Variants in TUBG2 observed in about 807,000 individuals in gnomAD.
TUBG2 encodes the protein tubulin gamma-2 chain.
In TUBG2, 39 loss-of-function variants were observed where a neutral mutation model predicts 55.1. The ratio of observed to expected loss-of-function variants is 0.71; its 90% CI spans 0.55 to 0.93. TUBG2 has a LOEUF of 0.93. Ranked by LOEUF, TUBG2 falls within the 40% of genes least tolerant of loss-of-function variation. The pLI is 0.00. For synonymous variants in TUBG2, 223 were observed against 241.0 expected (o/e 0.93, Z 0.69); for missense variants, 358 against 599.1 (o/e 0.60, Z 4.20).
At chr17:42,660,441 G>A in intron 3 of TUBG2, 125 bp downstream of exon 3, 1 of 1,506,238 alleles carries the variant, frequency 6.6e-7, no homozygotes, top group African/African-American at 1.4e-5. Flanking sequence ...GAACAAGAGG[G>A]ACAGCCAGGG....
rs374699617 is a variant in TUBG2, at chr17:42,665,472, C to G, written c.607-4C>G. The G allele has an allele frequency of 4.4e-5, 71 of 1,614,032 alleles. No individual in the cohort carries two copies. Among genetic ancestry groups the G allele is most frequent in the Non-Finnish European group, 5.9e-5 (70 of 1,180,046 alleles). On this transcript the variant is annotated splice_region_variant and splice_polypyrimidine_tract_variant and intron_variant, in intron 6 of 10. Transcript: ENST00000251412. ...GATGCTGTGATGCTCTTCTGTCCCC[C>G]CAGGTGGTGCTGGACAACACAGCCC...
Position 42,666,127 on chromosome 17 carries a change from G to A in TUBG2, c.884G>A (p.Arg295Lys). 1 of 1,613,670 alleles carries A rather than the reference G, an allele frequency of 6.2e-7. No individual in the cohort carries two copies. The highest frequency in any genetic ancestry group is 8.5e-7 in the Non-Finnish European group (1 of 1,179,538). ...AAGACCACGGTCCTGGATGTCATGA[G>A]GCGGCTGCTGCAGCCCAAGAACGTG... Reference protein sequence around the residue: ...VRKTTVLDVMRRLLQPKNVMV... With the variant: ...VRKTTVLDVMKRLLQPKNVMV... The change falls in exon 9 of 11, where the codon AGG becomes AAG. Residue 295 changes from arginine (R) to lysine (K), a missense_variant. Around this residue, in one of 8 missense-constraint regions of TUBG2, gnomAD observed 129 missense variants for 251.6 expected, o/e 0.51. Transcript: ENST00000251412.
rs1442905971 is a variant in TUBG2 at position 42,665,845 on chromosome 17, T to C, written c.843+18T>C. ...ACCAGTCAGTAAGAGCAGCCTTCAG[T>C]GTCCCAGGCCAGGCTGGCCCTGGGC... On this transcript the variant is annotated intron_variant, in intron 8 of 10. Coordinates refer to ENST00000251412, the MANE Select transcript of TUBG2 (RefSeq NM_016437.3). 12 of 1,613,970 alleles carry C rather than the reference T, an allele frequency of 7.4e-6. No homozygotes were observed. The highest frequency in any genetic ancestry group is 1.0e-5 in the Non-Finnish European group (12 of 1,179,976).
chr17:42,665,462 TTC>T lies in TUBG2; in HGVS notation c.607-12_607-11del. 1 of 1,614,148 alleles carries T rather than the reference TTC, an allele frequency of 6.2e-7. No individual in the cohort carries two copies. The highest frequency in any genetic ancestry group is 8.5e-7 in the Non-Finnish European group (1 of 1,180,034). On this transcript the variant is annotated splice_polypyrimidine_tract_variant and intron_variant, in intron 6 of 10. Transcript: ENST00000251412. The stretch of plus-strand genomic sequence containing the variant: ...TTATCCTCAAGATGCTGTGATGCTC[TTC>T]TGTCCCCCCAGGTGGTGCTGGACAA...
intron 1 of TUBG2, 43 bp from the exon 2 acceptor site, chr17:42,659,791 C>T (rs755883185): frequency 1.2e-6 from 2 of 1,611,834 alleles, no homozygotes; most frequent in South Asian, 2.2e-5. Context: ...GCTCCTCAGG[C>T]CTTAAGGCTC....
Position 42,660,038 on chromosome 17 carries a change from G to A in TUBG2, c.162+92G>A, listed in dbSNP as rs1011106531. The A allele has an allele frequency of 5.1e-6, 7 of 1,374,754 alleles. No homozygotes were observed. The Admixed American group carries it at 1.2e-4, about 24-fold the overall frequency. The allele number at this position is 1,374,754 out of a possible 1,614,324, so 85.2% of individuals were successfully genotyped here. ...GTACTGGGAACCCCGCTGGGCAGTA[G>A]GGCCAGGCGGCTGGCTTGAGGAGGG... On this transcript the variant is annotated intron_variant, in intron 2 of 10. Transcript: ENST00000251412.
chr17:42,663,576 G>C (rs2052443086), intron 6 of TUBG2, 73 bp downstream of exon 6: 3 of 1,574,616 alleles, frequency 1.9e-6, no homozygotes, highest in East Asian at 2.3e-5. Flanking sequence ...GGGAGGCCTA[G>C]GCAGATGGAT....
At position 42,663,521 on chromosome 17, in the gene TUBG2, T is replaced by G. The variant is rs2052441225; in HGVS notation, c.606+18T>G. The G allele has an allele frequency of 9.9e-6, 16 of 1,613,202 alleles. No individual in the cohort carries two copies. The highest frequency in any genetic ancestry group is 1.2e-5 in the Non-Finnish European group (14 of 1,179,574). ...ATTGTGTGGTGAGCAAAGAAAGAGT[T>G]GAGGGGCTGGGTGTGGTGGCTCATG... On this transcript the variant is annotated intron_variant, in intron 6 of 10. Coordinates refer to ENST00000251412, the MANE Select transcript of TUBG2 (RefSeq NM_016437.3).
chr17:42,664,564 T>C (rs1338729226), intron 6 of TUBG2, among the ~76,000 whole-genome samples: 1 of 152,104 alleles, frequency 6.6e-6, no homozygotes, highest in Non-Finnish European at 1.5e-5. Flanking sequence ...ATAACTTTCT[T>C]AGCAAAACCC....
chr17:42,660,635 AC>A lies in TUBG2; in HGVS notation c.331-3del. The A allele has an allele frequency of 2.5e-6, 4 of 1,613,896 alleles. No homozygotes were observed. The highest frequency in any genetic ancestry group is 2.2e-5 in the South Asian group (2 of 91,068). ...TGACCCTCCCTTTCCATATCTCTAT[AC>A]AGGGTGAGAAAATTCATGAAGACAT... On this transcript the variant is annotated splice_region_variant and splice_polypyrimidine_tract_variant and intron_variant, in intron 3 of 10. Transcript: ENST00000251412.
rs991114197 is a variant in TUBG2, at chr17:42,661,078, T to A, written c.399+371T>A. 5 of 242,878 alleles carry A rather than the reference T, an allele frequency of 2.1e-5. No individual in the cohort carries two copies. The Admixed American group carries it at 2.4e-4, about 11-fold the overall frequency. 15.0% of individuals were successfully genotyped at this position (242,878 alleles called of 1,614,324 possible). Reference sequence around the variant, plus strand: ...GAGACTGCCTCTCCATCTCTCCCCATGCTGGGTGCGATATGTTCCTGGCTT... The same window carrying A: ...GAGACTGCCTCTCCATCTCTCCCCAAGCTGGGTGCGATATGTTCCTGGCTT... On this transcript the variant is annotated intron_variant, in intron 4 of 10. Transcript: ENST00000251412.
intron 6 of TUBG2, among the ~76,000 whole-genome samples, chr17:42,665,038 T>A (rs1011489521): frequency 1.4e-5 from 2 of 143,632 alleles, no homozygotes; most frequent in African/African-American, 5.8e-5. Context: ...ATTTTATTTA[T>A]TTTATTTTAT....
rs545271201 is a variant in TUBG2 at position 42,663,425 on chromosome 17, C to T, written c.528C>T (p.Asp176=). 18 of 1,614,130 alleles carry T rather than the reference C, an allele frequency of 1.1e-5. No homozygotes were observed. Among genetic ancestry groups the T allele is most frequent in the African/African-American group, 4.0e-5 (3 of 75,024 alleles). Reference sequence around the variant, plus strand: ...CTTATTCAGTGTTTCCCTACCAGGACGAGATGAGCGACGTAGTGGTTCAGC... The same window carrying T: ...CTTATTCAGTGTTTCCCTACCAGGATGAGATGAGCGACGTAGTGGTTCAGC... The part of the protein sequence containing the change: ...VQTYSVFPYQ[D]EMSDVVVQPY... Residue 176 remains aspartate, a synonymous_variant, in exon 6 of 11, where the codon GAC becomes GAT. Coordinates refer to ENST00000251412, the MANE Select transcript of TUBG2 (RefSeq NM_016437.3).
Position 42,666,660 on chromosome 17 carries a change from G to A in TUBG2, c.1216G>A (p.Glu406Lys), listed in dbSNP as rs372512326. The A allele has an allele frequency of 1.1e-5, 18 of 1,614,162 alleles. No homozygotes were observed. The African/African-American group carries it at 1.3e-4, about 12-fold the overall frequency. ...GCTGCGGAAGCGGGATGCCTTCCTCGAGCAGTTCCGTAAGGAGGACATGTT... is the reference window on the plus strand; with the variant it reads ...GCTGCGGAAGCGGGATGCCTTCCTCAAGCAGTTCCGTAAGGAGGACATGTT... ...DKLRKRDAFL[E>K]QFRKEDMFKD... The change falls in exon 11 of 11, where the codon GAG (glutamate) becomes AAG (lysine). Residue 406 changes from glutamate (E) to lysine (K), a missense_variant. Physicochemically the swap from Glu to Lys is moderately conservative, Grantham distance 56. This residue lies in a region of TUBG2 where 129 missense variants were observed against 251.6 expected (regional missense o/e 0.51). Transcript: ENST00000251412.
chr17:42,663,395 G>A lies in TUBG2; in HGVS notation c.498G>A (p.Val166=). 6.2e-7 allele frequency: 1 copy of A among 1,614,116 alleles called. No individual in the cohort carries two copies. Among genetic ancestry groups the A allele is most frequent in the Non-Finnish European group, 8.5e-7 (1 of 1,180,014 alleles). Residue 166 remains valine (V), a synonymous_variant, in exon 6 of 11, where the codon GTG becomes GTA. Coordinates refer to ENST00000251412, the MANE Select transcript of TUBG2 (RefSeq NM_016437.3). ...CTCTCAGGTACCCCAAGAAGCTAGT[G>A]CAGACTTATTCAGTGTTTCCCTACC... ...RLNDRYPKKL[V]QTYSVFPYQD... is the part of the protein sequence containing the mutation.
In TUBG2 at chr17:42,663,504, G is replaced by A. The variant is rs758476307; in HGVS notation, c.606+1G>A. On this transcript the variant is annotated splice_donor_variant, in intron 6 of 10. Transcript: ENST00000251412. LOFTEE classifies it high-confidence loss of function. ...GCTGACGCAGAACGCAGATTGTGTG[G>A]TGAGCAAAGAAAGAGTTGAGGGGCT... The A allele has an allele frequency of 1.2e-6, 2 of 1,613,894 alleles. No individual in the cohort carries two copies. Among genetic ancestry groups the A allele is most frequent in the Admixed American group, 1.7e-5 (1 of 60,000 alleles).
chr17:42,666,919 A>G lies in TUBG2; in HGVS notation c.*119A>G. 1 of 1,046,534 alleles carries G rather than the reference A, an allele frequency of 9.6e-7. No homozygotes were observed. The highest frequency in any genetic ancestry group is 1.4e-6 in the Non-Finnish European group (1 of 711,624). 64.8% of individuals were successfully genotyped at this position (1,046,534 alleles called of 1,614,324 possible). A position where few individuals can be genotyped will look rare whatever the true frequency, so the allele number is the denominator to read the frequency against. On this transcript the variant is annotated 3_prime_UTR_variant, in exon 11 of 11. Transcript: ENST00000251412. ...CTTCTTGGTTCATCTCCAGCCCGTG[A>G]GCTGGTCCTGCTTCCTCCCTTCCAT...
intron 1 of TUBG2, 27 bp downstream of exon 1, chr17:42,659,579 G>A (rs1463350964): frequency 1.3e-6 from 2 of 1,541,146 alleles, no homozygotes; most frequent in Non-Finnish European, 8.7e-7. Context: ...CGGCCCCGCC[G>A]GTCTCTGGTT....
intron 1 of TUBG2, 123 bp from the exon 2 acceptor site, chr17:42,659,711 G>A (rs1305905674): frequency 1.8e-5 from 26 of 1,406,210 alleles, no homozygotes; most frequent in Non-Finnish European, 2.3e-5. Context: ...GCCCGGGGCT[G>A]GGGCAGCTAC....
Sources: allele counts gnomAD v4.1 joint callset (sites outside exome capture counted in the v4.1 genomes callset), GRCh38; gene constraint gnomAD v4.1.1; regional missense constraint gnomAD v4.1.1; transcripts MANE v1.5; gene names NCBI Gene and HGNC (gene_info 2026-07-23, HGNC 2026-07-21).